Variants in KLHL1 observed in about 807,000 individuals in gnomAD.
The protein encoded by KLHL1 is kelch like family member 1, also known as kelch-like protein 1.
KLHL1 carries 47 observed loss-of-function variants against 77.7 expected under a neutral mutation model. The ratio of observed to expected loss-of-function variants is 0.60; its 90% CI spans 0.48 to 0.77. KLHL1 has a LOEUF of 0.77. Among genes scored for constraint, KLHL1 ranks in the 30% least tolerant of loss-of-function variants. The probability of loss-of-function intolerance (pLI) is 0.00; values close to 1 mark genes in which losing one functional copy is unlikely to be tolerated. For synonymous variants in KLHL1, 360 were observed against 325.2 expected, an observed-to-expected ratio of 1.11 and a Z score of -1.15; for missense variants, 925 against 910.8, an observed-to-expected ratio of 1.02 and a Z score of -0.20.
intron 7 of KLHL1, among the ~76,000 whole-genome samples, chr13:69,745,775 T>A (rs1458055816): frequency 1.3e-5 from 2 of 151,908 alleles, no homozygotes; most frequent in African/African-American, 4.8e-5. Flanking sequence ...TTCTAAATTT[T>A]AAAAAATTGT....
At chr13:70,080,222 G>A (rs1887360893) in intron 1 of KLHL1, among the ~76,000 whole-genome samples, 1 of 152,104 alleles carries the variant, frequency 6.6e-6, no homozygotes, top group South Asian at 2.1e-4. Flanking sequence ...ACCAGGGAAC[G>A]AATTTGAGGA....
intron 1 of KLHL1, among the ~76,000 whole-genome samples, chr13:70,038,156 AG>A (rs143141328): frequency 9.9e-4 from 151 of 152,370 alleles, no homozygotes; most frequent in Non-Finnish European, 1.7e-3. Flanking sequence ...TTTAATATAC[AG>A]TAAAGTGACC....
intron 6 of KLHL1, among the ~76,000 whole-genome samples, chr13:69,804,315 G>T (rs1334077885): frequency 6.6e-6 from 1 of 151,794 alleles, no homozygotes; most frequent in Non-Finnish European, 1.5e-5. Flanking sequence ...TGTGGGGGGG[G>T]GAAATAGTAA....
intron 7 of KLHL1, among the ~76,000 whole-genome samples, chr13:69,791,675 A>G (rs1270636334): frequency 1.3e-5 from 2 of 152,182 alleles, no homozygotes; most frequent in Non-Finnish European, 2.9e-5. Flanking sequence ...CCAAGAATTC[A>G]GTGGGAAAGA....
intron 6 of KLHL1, among the ~76,000 whole-genome samples, chr13:69,814,361 C>G (rs1479857987): frequency 6.6e-6 from 1 of 151,980 alleles, no homozygotes; most frequent in African/African-American, 2.4e-5. Context: ...ATTACTATGT[C>G]CTGAAAAGCA....
chr13:69,755,176 C>T (rs1423424789), intron 7 of KLHL1, among the ~76,000 whole-genome samples: 3 of 151,982 alleles, frequency 2.0e-5, no homozygotes, highest in Non-Finnish European at 4.4e-5. Flanking sequence ...GTTCTAGCTC[C>T]TTGAGTTCAC....
At chr13:70,064,193 C>T (rs1329953550) in intron 1 of KLHL1, among the ~76,000 whole-genome samples, 2 of 151,698 alleles carry the variant, frequency 1.3e-5, no homozygotes, top group Non-Finnish European at 2.9e-5. Context: ...GTTAGAAGAA[C>T]AAAAACAAAA....
chr13:70,064,604 C>T (rs910801815), intron 1 of KLHL1, among the ~76,000 whole-genome samples: 2 of 152,136 alleles, frequency 1.3e-5, no homozygotes, highest in Non-Finnish European at 2.9e-5. Flanking sequence ...ATTCACTTAA[C>T]TATAAACTTC....
intron 1 of KLHL1, among the ~76,000 whole-genome samples, chr13:69,994,741 C>T (rs553973209): frequency 1.3e-5 from 2 of 152,148 alleles, no homozygotes; most frequent in Non-Finnish European, 2.9e-5. Context: ...TAGGGGTTAA[C>T]GTAAGCCTCT....
At chr13:69,959,569 A>C (rs1884000680) in intron 3 of KLHL1, among the ~76,000 whole-genome samples, 1 of 149,718 alleles carries the variant, frequency 6.7e-6, no homozygotes, top group South Asian at 2.1e-4. Context: ...AAAAAAAAAA[A>C]CATGGAATTG....
At chr13:69,726,225 C>A (rs575250237) in intron 8 of KLHL1, among the ~76,000 whole-genome samples, 4 of 152,226 alleles carry the variant, frequency 2.6e-5, no homozygotes, top group Admixed American at 2.0e-4. Context: ...TTTGGTTACC[C>A]AGAAAAAGTG....
chr13:70,005,373 A>C (rs1885381327), intron 1 of KLHL1, among the ~76,000 whole-genome samples: 1 of 152,066 alleles, frequency 6.6e-6, no homozygotes, highest in Non-Finnish European at 1.5e-5. Context: ...AAGCTTGTCC[A>C]ACCTGCAGCC....
At chr13:69,957,889 A>C (rs569197104) in intron 3 of KLHL1, among the ~76,000 whole-genome samples, 1 of 151,894 alleles carries the variant, frequency 6.6e-6, no homozygotes, top group Non-Finnish European at 1.5e-5. Flanking sequence ...ACTTCATATT[A>C]AGTTATAATT....
chr13:69,824,999 GC>G (rs139000425), intron 6 of KLHL1, among the ~76,000 whole-genome samples: 2,201 of 152,098 alleles, frequency 0.014, 52 homozygotes, highest in African/African-American at 0.049. Context: ...ATTTTGAAAT[GC>G]ATTAAAAAAT....
At chr13:69,838,369 AG>A (rs1487220163) in intron 6 of KLHL1, among the ~76,000 whole-genome samples, 1 of 151,816 alleles carries the variant, frequency 6.6e-6, no homozygotes, top group Non-Finnish European at 1.5e-5. Flanking sequence ...AAATTAAGAC[AG>A]ACATAAGAAA....
chr13:70,073,809 T>C (rs1482185695), intron 1 of KLHL1, among the ~76,000 whole-genome samples: 1 of 150,786 alleles, frequency 6.6e-6, no homozygotes, highest in Non-Finnish European at 1.5e-5. Context: ...AAAATTGAAA[T>C]GCAGGAGAGC....
chr13:69,730,968 T>A (rs1873519376), intron 8 of KLHL1, among the ~76,000 whole-genome samples: 1 of 152,138 alleles, frequency 6.6e-6, no homozygotes, highest in Non-Finnish European at 1.5e-5. Context: ...TATTTAATAT[T>A]GAAGAATGTT....
In KLHL1 at chr13:69,949,174, T is replaced by C. The variant is rs557044854; in HGVS notation, c.818-8938A>G. On this transcript the variant is annotated intron_variant, in intron 3 of 10. Transcript: ENST00000377844. Reference sequence around the variant, plus strand: ...ATTGTTACATTATTATTAACTAAAATGTGTACTTCCTTTACATTCCTTAGA... The same window carrying C: ...ATTGTTACATTATTATTAACTAAAACGTGTACTTCCTTTACATTCCTTAGA... Among the ~76,000 whole-genome samples the C allele has an allele frequency of 3.0e-3, 463 of 152,002 alleles. 1 individual carries two copies. The highest frequency in any genetic ancestry group is 0.011 in the African/African-American group (446 of 41,510).
intron 1 of KLHL1, among the ~76,000 whole-genome samples, chr13:70,047,358 A>ATATCCT (rs1290940367): frequency 6.6e-6 from 1 of 151,790 alleles, no homozygotes; most frequent in Non-Finnish European, 1.5e-5. Context: ...TTGTTCACAG[A>ATATCCT]TATCCTATTA....
Sources: allele counts gnomAD v4.1 joint callset (sites outside exome capture counted in the v4.1 genomes callset), GRCh38; gene constraint gnomAD v4.1.1; transcripts MANE v1.5; gene names NCBI Gene and HGNC (gene_info 2026-07-23, HGNC 2026-07-21).